ITCH: variants seen among roughly 807,000 people sequenced by gnomAD.
ITCH encodes itchy E3 ubiquitin protein ligase.
In ITCH, 28 loss-of-function variants were observed where a neutral mutation model predicts 126.8. The ratio of observed to expected loss-of-function variants is 0.22; its 90% CI spans 0.16 to 0.30. The LOEUF (loss-of-function observed/expected upper bound fraction) is 0.30. Among genes scored for constraint, ITCH ranks in the 10% least tolerant of loss-of-function variants. The probability of loss-of-function intolerance (pLI) is 1.00; values close to 1 mark genes in which losing one functional copy is unlikely to be tolerated. For synonymous variants in ITCH, 342 were observed against 340.0 expected (o/e 1.01, Z -0.06); for missense variants, 631 against 1,032.4 (o/e 0.61, Z 5.33).
chr20:34,481,045 G>A, intron 19 of ITCH, 21 bp from the exon 20 acceptor site: 5 of 1,611,616 alleles, frequency 3.1e-6, no homozygotes, highest in Non-Finnish European at 4.2e-6. Flanking sequence ...ATAACAAATA[G>A]TGCTAATTTC....
At chr20:34,420,096 AACTG>A (rs1488297252) in intron 6 of ITCH, among the ~76,000 whole-genome samples, 2 of 152,216 alleles carry the variant, frequency 1.3e-5, no homozygotes, top group African/African-American at 4.8e-5. Flanking sequence ...GGATATTTAA[AACTG>A]AGATGAAATT....
At chr20:34,415,994 C>T (rs958110353) in intron 6 of ITCH, among the ~76,000 whole-genome samples, 1 of 151,814 alleles carries the variant, frequency 6.6e-6, no homozygotes, top group African/African-American at 2.4e-5. Flanking sequence ...TGGTGGCGAG[C>T]ACCCGTAAGC....
intron 23 of ITCH, among the ~76,000 whole-genome samples, chr20:34,501,805 A>G (rs1369216477): frequency 6.6e-6 from 1 of 151,292 alleles, no homozygotes; most frequent in Non-Finnish European, 1.5e-5. Flanking sequence ...GACAAGTAGT[A>G]CTGGAAAATA....
At chr20:34,431,329 C>G (rs1336746091) in intron 7 of ITCH, among the ~76,000 whole-genome samples, 3 of 152,072 alleles carry the variant, frequency 2.0e-5, no homozygotes, top group Admixed American at 2.0e-4. Flanking sequence ...GGGAGGATCC[C>G]TTGAGCCCAG....
chr20:34,492,591 C>A lies in ITCH; in HGVS notation c.2410C>A (p.Leu804Ile), dbSNP rs763866443. The A allele has an allele frequency of 6.2e-7, 1 of 1,601,284 alleles. No homozygotes were observed. The highest frequency in any genetic ancestry group is 8.6e-7 in the Non-Finnish European group (1 of 1,168,258). Residue 804 changes from leucine to isoleucine, a missense_variant, in exon 23 of 25, where the codon CTC becomes ATC. Transcript: ENST00000374864. ...ATTGCCAGTAGGAGGATTTGCTGAT[C>A]TCATGGGTATGTATACAGGATCACT... Reference protein sequence around the residue: ...CRLPVGGFADLMGSNGPQKFC... With the variant: ...CRLPVGGFADIMGSNGPQKFC...
At chr20:34,450,218 A>G (rs1018464258) in intron 12 of ITCH, among the ~76,000 whole-genome samples, 1 of 152,252 alleles carries the variant, frequency 6.6e-6, no homozygotes, top group African/African-American at 2.4e-5. Flanking sequence ...AGATGTCACC[A>G]TCGGAGAAAA....
intron 7 of ITCH, among the ~76,000 whole-genome samples, chr20:34,430,842 A>G (rs1229243729): frequency 6.6e-6 from 1 of 152,232 alleles, no homozygotes; most frequent in Admixed American, 6.5e-5. Flanking sequence ...TGACAGTGGT[A>G]TATAGTTTGG....
intron 9 of ITCH, 97 bp downstream of exon 9, chr20:34,440,441 T>C: frequency 2.2e-6 from 2 of 926,224 alleles, no homozygotes; most frequent in Non-Finnish European, 3.5e-6. Flanking sequence ...GTAAACTCCA[T>C]TGTTTTGATG....
chr20:34,507,442 C>T (rs1008972903), intron 24 of ITCH, among the ~76,000 whole-genome samples: 4 of 151,466 alleles, frequency 2.6e-5, no homozygotes, highest in Admixed American at 1.3e-4. Context: ...GGAGAAATCT[C>T]TATCCTTTGT....
chr20:34,475,666 C>T (rs578071746), intron 16 of ITCH, among the ~76,000 whole-genome samples: 128 of 144,924 alleles, frequency 8.8e-4, no homozygotes, highest in African/African-American at 2.7e-3. Flanking sequence ...AGAGCGAGAC[C>T]GTGGGGAGAG....
chr20:34,370,034 G>A (rs1257823424), intron 2 of ITCH, among the ~76,000 whole-genome samples: 1 of 151,252 alleles, frequency 6.6e-6, no homozygotes, highest in Non-Finnish European at 1.5e-5. Flanking sequence ...GAGCCAGGAG[G>A]TTGAGGCTGC....
At chr20:34,447,155 G>A (rs1984562799) in intron 11 of ITCH, among the ~76,000 whole-genome samples, 2 of 148,628 alleles carry the variant, frequency 1.3e-5, no homozygotes, top group South Asian at 4.3e-4. Context: ...GACCGATTTA[G>A]TACTCAGAGT....
intron 12 of ITCH, among the ~76,000 whole-genome samples, chr20:34,452,085 A>T (rs1985331378): frequency 6.6e-6 from 1 of 151,916 alleles, no homozygotes; most frequent in Admixed American, 6.6e-5. Context: ...AAAAAAAAAA[A>T]AAAAAAAGTT....
chr20:34,367,134 G>C (rs540750365), intron 1 of ITCH, among the ~76,000 whole-genome samples: 1 of 152,064 alleles, frequency 6.6e-6, no homozygotes, highest in Admixed American at 6.6e-5. Context: ...TGAGAAATTA[G>C]AAAGAACTAT....
intron 6 of ITCH, among the ~76,000 whole-genome samples, chr20:34,419,781 A>G (rs947723549): frequency 1.2e-4 from 18 of 152,124 alleles, no homozygotes; most frequent in Admixed American, 3.3e-4. Context: ...TAGCCTCCCG[A>G]GTAGCTGGGA....
At chr20:34,380,223 G>T (rs929905890) in intron 2 of ITCH, among the ~76,000 whole-genome samples, 1 of 151,968 alleles carries the variant, frequency 6.6e-6, no homozygotes, top group South Asian at 2.1e-4. Flanking sequence ...ATGTCTTCAG[G>T]TTTCATGTTG....
At position 34,430,512 on chromosome 20, in the gene ITCH, C is replaced by T. The variant is rs760225338; in HGVS notation, c.521+5987C>T. On this transcript the variant is annotated intron_variant, in intron 7 of 24. Transcript: ENST00000374864. ...GTTTTAAGACTGAGTTTTGCTCTGT[C>T]GCCCAGATGGGAATGCAGTGACGCG... 5.7e-4 allele frequency among the ~76,000 whole-genome samples: 87 copies of T among 152,042 alleles called. 2 individuals carry two copies. The highest frequency in any genetic ancestry group is 2.5e-4 in the Non-Finnish European group (17 of 68,020).
intron 16 of ITCH, among the ~76,000 whole-genome samples, chr20:34,471,969 GT>G (rs1263239498): frequency 3.9e-5 from 6 of 152,098 alleles, no homozygotes; most frequent in African/African-American, 1.4e-4. Flanking sequence ...TACAATAAGC[GT>G]ATGTTACTCT....
At chr20:34,479,904 GT>G (rs1306176342) in intron 18 of ITCH, 115 bp downstream of exon 18, 5 of 1,005,398 alleles carry the variant, frequency 5.0e-6, no homozygotes, top group African/African-American at 4.8e-5. Flanking sequence ...GTTTTGTTTT[GT>G]TTTTTATTTT....
Sources: gnomAD v4.1 joint callset for allele counts (sites outside exome capture counted in the v4.1 genomes callset) on GRCh38, gnomAD v4.1.1 for gene constraint, MANE v1.5 for transcripts, NCBI Gene and HGNC (gene_info 2026-07-23, HGNC 2026-07-21) for gene names.